KLRG1: variants seen among roughly 807,000 people sequenced by gnomAD.
The protein encoded by KLRG1 is killer cell lectin like receptor G1.
KLRG1 carries 16 observed loss-of-function variants against 21.8 expected under a neutral mutation model. The observed-to-expected ratio is 0.73, with a 90% CI of 0.50 to 1.11. The LOEUF is 1.11. Among genes scored for constraint, KLRG1 ranks in the 50% most tolerant of loss-of-function variants. The pLI, the probability that KLRG1 is intolerant of heterozygous loss-of-function variation, is 0.00. For synonymous variants in KLRG1, 69 were observed against 75.9 expected, an observed-to-expected ratio of 0.91 and a Z score of 0.47; for missense variants, 173 against 218.3, an observed-to-expected ratio of 0.79 and a Z score of 1.31.
the KLRG1 span, among the ~76,000 whole-genome samples, chr12:9,152,495 A>G: frequency 6.6e-6 from 1 of 152,330 alleles, no homozygotes; most frequent in Middle Eastern, 3.4e-3. Context: ...CAGATCTACC[A>G]CTTGCTAAAA....
chr12:9,005,408 C>T (rs1372311063), intron 3 of KLRG1, among the ~76,000 whole-genome samples: 1 of 151,916 alleles, frequency 6.6e-6, no homozygotes, highest in Non-Finnish European at 1.5e-5. Flanking sequence ...TACTAATCAG[C>T]CATGGAAAAT....
the KLRG1 span, chr12:9,065,951 G>C: frequency 2.0e-5 from 3 of 152,254 alleles, no homozygotes; most frequent in Non-Finnish European, 4.4e-5. Context: ...TGTTTGCAGA[G>C]AGGAGCCAGC....
At chr12:9,091,020 G>T in the KLRG1 span, among the ~76,000 whole-genome samples, 2 of 152,094 alleles carry the variant, frequency 1.3e-5, no homozygotes, top group African/African-American at 4.8e-5. Flanking sequence ...AGGGTTATAA[G>T]GGCTAGAAAC....
the KLRG1 span, among the ~76,000 whole-genome samples, chr12:9,133,807 A>T: frequency 6.6e-6 from 1 of 152,192 alleles, no homozygotes; most frequent in Non-Finnish European, 1.5e-5. Context: ...GAAAATAGCA[A>T]TCTGGGAGCT....
At chr12:8,956,469 G>C (rs1160136095) in intron 1 of KLRG1, among the ~76,000 whole-genome samples, 1 of 151,962 alleles carries the variant, frequency 6.6e-6, no homozygotes, top group Non-Finnish European at 1.5e-5. Context: ...TTTTGAGACA[G>C]AGTCTCACTC....
the KLRG1 span, chr12:9,113,662 G>C: frequency 2.0e-6 from 2 of 1,024,438 alleles, no homozygotes; most frequent in Non-Finnish European, 2.9e-6. Context: ...AAGATGTACT[G>C]ATGAGCATGA....
the KLRG1 span, chr12:9,194,377 G>T: frequency 6.1e-6 from 4 of 659,872 alleles, no homozygotes; most frequent in Non-Finnish European, 1.0e-5. Context: ...TCATATTTAC[G>T]ACAAAATGTT....
At chr12:9,025,253 G>C in the KLRG1 span, among the ~76,000 whole-genome samples, 1 of 152,190 alleles carries the variant, frequency 6.6e-6, no homozygotes, top group Non-Finnish European at 1.5e-5. Flanking sequence ...CATATGTCGG[G>C]TCAATAGATC....
At chr12:9,035,162 G>A in the KLRG1 span, among the ~76,000 whole-genome samples, 2 of 152,146 alleles carry the variant, frequency 1.3e-5, no homozygotes, top group Non-Finnish European at 2.9e-5. Flanking sequence ...GAGATTTCTC[G>A]AAGAACTTAA....
chr12:9,196,705 C>A, the KLRG1 span: 2 of 1,523,020 alleles, frequency 1.3e-6, no homozygotes, highest in Non-Finnish European at 1.8e-6. Flanking sequence ...ATACCAAAAC[C>A]AATAAATGTC....
the KLRG1 span, among the ~76,000 whole-genome samples, chr12:9,045,010 A>T: frequency 6.6e-6 from 1 of 152,204 alleles, no homozygotes; most frequent in Non-Finnish European, 1.5e-5. Flanking sequence ...ACTATACAGA[A>T]GTTAGAAGCA....
chr12:9,164,296 G>A, the KLRG1 span: 4 of 1,601,624 alleles, frequency 2.5e-6, no homozygotes, highest in Non-Finnish European at 3.4e-6. Flanking sequence ...GAAATGATCA[G>A]AATATGGAAC....
the KLRG1 span, chr12:9,200,805 A>G: frequency 1.4e-6 from 2 of 1,385,548 alleles, no homozygotes; most frequent in African/African-American, 1.4e-5. Flanking sequence ...CAAGTTCAAC[A>G]TATCTACAGG....
chr12:8,965,176 G>A (rs1946447560), intron 1 of KLRG1, among the ~76,000 whole-genome samples: 1 of 152,100 alleles, frequency 6.6e-6, no homozygotes, highest in Admixed American at 6.6e-5. Context: ...AGGTATTGAT[G>A]GGATGTATCT....
the KLRG1 span, among the ~76,000 whole-genome samples, chr12:9,147,595 T>G: frequency 6.6e-6 from 1 of 152,220 alleles, no homozygotes; most frequent in Non-Finnish European, 1.5e-5. Context: ...TGATTGTTAC[T>G]AAACTGGTGT....
At chr12:9,058,189 T>G in the KLRG1 span, 2 of 152,246 alleles carry the variant, frequency 1.3e-5, no homozygotes, top group Admixed American at 1.3e-4. Context: ...TCTAGACTGA[T>G]AGCATATCTG....
chr12:9,037,887 A>G, the KLRG1 span, among the ~76,000 whole-genome samples: 1 of 152,202 alleles, frequency 6.6e-6, no homozygotes, highest in East Asian at 1.9e-4. Flanking sequence ...TTGTGTAAAT[A>G]CAATCTATGA....
chr12:9,008,399 T>C (rs1805674), intron 3 of KLRG1, among the ~76,000 whole-genome samples: 35,554 of 152,240 alleles, frequency 0.23, 4,865 homozygotes, highest in East Asian at 0.37. Context: ...AGGTCAATTC[T>C]AGGATGCTGC....
chr12:8,968,301 G>T (rs998254876), intron 1 of KLRG1, among the ~76,000 whole-genome samples: 14 of 151,956 alleles, frequency 9.2e-5, no homozygotes, highest in Non-Finnish European at 2.9e-5. Flanking sequence ...GAGTTGGAGT[G>T]CCTATCTTAA....
Sources: allele counts gnomAD v4.1 joint callset (sites outside exome capture counted in the v4.1 genomes callset), GRCh38; gene constraint gnomAD v4.1.1; transcripts MANE v1.5; gene names NCBI Gene and HGNC (gene_info 2026-07-23, HGNC 2026-07-21).